The following ANK2 variants were observed in gnomAD, a reference collection of about 807,000 sequenced individuals.
ANK2 encodes ankyrin-2.
ANK2 carries 83 observed loss-of-function variants against 360.5 expected under a neutral mutation model. That is an observed-to-expected ratio of 0.23 (90% CI 0.19 to 0.28). The LOEUF (loss-of-function observed/expected upper bound fraction) is 0.28. Ranked by LOEUF, ANK2 falls within the 10% of genes least tolerant of loss-of-function variation. ANK2 has a pLI of 1.00. For synonymous variants in ANK2, 1,740 were observed against 1,759.5 expected, an observed-to-expected ratio of 0.99 and a Z score of 0.28; for missense variants, 4,201 against 4,795.7, an observed-to-expected ratio of 0.88 and a Z score of 3.66.
the ANK2 span, among the ~76,000 whole-genome samples, chr4:112,736,767 C>G: frequency 1.3e-5 from 2 of 152,136 alleles, 1 homozygote; most frequent in South Asian, 4.1e-4. Flanking sequence ...TCATTTTTCT[C>G]CTAAACACTG....
rs146744384 is a variant in ANK2, at chr4:113,306,084, C to T, written c.2548+3245C>T. 8.5e-5 allele frequency among the ~76,000 whole-genome samples: 13 copies of T among 152,178 alleles called. No homozygotes were observed. In the East Asian group the frequency reaches 1.2e-3, roughly 14 times the overall value. ...TAATGAATATGATGTTATTGTGTTT[C>T]GGAAAGCTCTATAACTGATGCCACA... On this transcript the variant is annotated intron_variant, in intron 23 of 45. Transcript: ENST00000357077.
chr4:113,144,345 T>C (rs3112979), intron 1 of ANK2, among the ~76,000 whole-genome samples: 120,041 of 151,998 alleles, frequency 0.79, 47,777 homozygotes, highest in African/African-American at 0.87. Context: ...ATGTCCCTCT[T>C]GGATTTGAGT....
chr4:112,798,278 T>C, the ANK2 span: 4 of 152,198 alleles, frequency 2.6e-5, no homozygotes, highest in Non-Finnish European at 5.9e-5. Flanking sequence ...ACAGAAATAG[T>C]TTTTACAATT....
intron 1 of ANK2, among the ~76,000 whole-genome samples, chr4:113,127,878 A>G (rs2095762023): frequency 1.3e-5 from 2 of 152,190 alleles, no homozygotes; most frequent in Admixed American, 1.3e-4. Context: ...ATACCAGAAG[A>G]GCAGCAGGGA....
intron 2 of ANK2, chr4:112,980,100 A>C (rs2042671108): frequency 6.6e-6 from 1 of 151,296 alleles, no homozygotes; most frequent in Non-Finnish European, 1.5e-5. Context: ...GCCCTCAGCC[A>C]CTCCCCTGGC....
chr4:113,023,359 C>T (rs879539563), intron 2 of ANK2, among the ~76,000 whole-genome samples: 3 of 152,232 alleles, frequency 2.0e-5, no homozygotes, highest in Admixed American at 6.5e-5. Flanking sequence ...GCTACCTCAG[C>T]CCCGTCTGTG....
the ANK2 span, among the ~76,000 whole-genome samples, chr4:112,783,320 A>G: frequency 1.3e-5 from 2 of 152,332 alleles, no homozygotes; most frequent in African/African-American, 4.8e-5. Flanking sequence ...AACATAATGG[A>G]ACACTACTTA....
At chr4:113,201,873 T>A (rs2098834938) in intron 4 of ANK2, among the ~76,000 whole-genome samples, 2 of 152,196 alleles carry the variant, frequency 1.3e-5, no homozygotes, top group African/African-American at 2.4e-5. Context: ...TTATAACAGA[T>A]CTTAAAAGAA....
chr4:113,231,385 T>A (rs1464253887), intron 4 of ANK2, among the ~76,000 whole-genome samples: 2 of 152,090 alleles, frequency 1.3e-5, no homozygotes, highest in Non-Finnish European at 2.9e-5. Context: ...ATTTGTAGTC[T>A]CTCCTAGCCT....
At chr4:112,710,767 A>G in the ANK2 span, among the ~76,000 whole-genome samples, 1 of 151,598 alleles carries the variant, frequency 6.6e-6, no homozygotes, top group Non-Finnish European at 1.5e-5. Context: ...TTCCAGCATC[A>G]TGGTTGCTGA....
chr4:113,265,101 T>A, intron 14 of ANK2, 106 bp downstream of exon 14: 1 of 1,052,278 alleles, frequency 9.5e-7, no homozygotes, highest in Non-Finnish European at 1.4e-6. Flanking sequence ...CCAGGGACTG[T>A]AAGTGAAAGG....
At chr4:113,262,283 T>C (rs867493304) in intron 13 of ANK2, among the ~76,000 whole-genome samples, 1 of 152,100 alleles carries the variant, frequency 6.6e-6, no homozygotes, top group African/African-American at 2.4e-5. Context: ...TGGAATACAG[T>C]GGGCAAGATT....
At chr4:113,073,398 A>G (rs2078560341) in intron 1 of ANK2, among the ~76,000 whole-genome samples, 1 of 152,202 alleles carries the variant, frequency 6.6e-6, no homozygotes, top group Admixed American at 6.5e-5. Flanking sequence ...TACTAAATAA[A>G]AAAAGAACAC....
intron 4 of ANK2, among the ~76,000 whole-genome samples, chr4:113,202,407 C>A (rs918529934): frequency 2.6e-5 from 4 of 152,058 alleles, no homozygotes; most frequent in African/African-American, 9.7e-5. Context: ...TTTTGAGAAC[C>A]AGAAAAAGGA....
chr4:113,066,251 G>C (rs778521954), intron 1 of ANK2, among the ~76,000 whole-genome samples: 9 of 152,052 alleles, frequency 5.9e-5, no homozygotes, highest in African/African-American at 1.9e-4. Context: ...TACAGTTTTT[G>C]CAAGCCGACC....
rs1352843421 is a variant in ANK2, at chr4:113,358,467, A to G, written c.9849A>G (p.Ser3283=). 2.5e-6 allele frequency: 4 copies of G among 1,614,138 alleles called. No homozygotes were observed. Among genetic ancestry groups the G allele is most frequent in the Non-Finnish European group, 3.4e-6 (4 of 1,179,974 alleles). ...SPDSSPEEQK[S]VIEIPTAPME... ...ATTCTTCCCCAGAAGAACAGAAATCAGTAATCGAGATTCCTACTGCACCCA... is the reference window on the plus strand; with the variant it reads ...ATTCTTCCCCAGAAGAACAGAAATCGGTAATCGAGATTCCTACTGCACCCA... The change falls in exon 38 of 46, where the codon TCA becomes TCG. Residue 3283 remains serine, a synonymous_variant. Coordinates refer to ENST00000357077, the MANE Select transcript of ANK2 (RefSeq NM_001148.6).
At chr4:113,325,909 A>C (rs1286719366) in intron 26 of ANK2, among the ~76,000 whole-genome samples, 2 of 152,192 alleles carry the variant, frequency 1.3e-5, no homozygotes, top group Non-Finnish European at 2.9e-5. Flanking sequence ...CAGAGCCATC[A>C]ATCCATATTA....
intron 1 of ANK2, among the ~76,000 whole-genome samples, chr4:112,876,689 G>A (rs1349187913): frequency 1.3e-5 from 2 of 152,134 alleles, no homozygotes. Context: ...GTTTGCCCAA[G>A]GCCTGTTACC....
chr4:113,237,055 G>T lies in ANK2; in HGVS notation c.552G>T (p.Glu184Asp), dbSNP rs1361041187. The T allele has an allele frequency of 4.3e-6, 7 of 1,614,062 alleles. No homozygotes were observed. Among genetic ancestry groups the T allele is most frequent in the Non-Finnish European group, 5.9e-6 (7 of 1,180,030 alleles). The part of the protein sequence containing the change: ...GHNQAVAILL[E>D]NDTKGKVRLP... ...ACCAGGCGGTGGCCATCCTCTTGGA[G>T]AATGACACCAAAGGGAAAGTGAGGC... The change falls in exon 6 of 46, where the codon GAG becomes GAT. Residue 184 changes from glutamate (E) to aspartate (D), a missense_variant. By Grantham distance (45) the Glu-to-Asp change is conservative. This residue lies in a region of ANK2 where 122 missense variants were observed against 239.3 expected (regional missense o/e 0.51). Coordinates refer to ENST00000357077, the MANE Select transcript of ANK2 (RefSeq NM_001148.6).
Sources: gnomAD v4.1 joint callset for allele counts (sites outside exome capture counted in the v4.1 genomes callset) on GRCh38, gnomAD v4.1.1 for gene constraint, gnomAD v4.1.1 regional missense constraint, MANE v1.5 for transcripts, NCBI Gene and HGNC (gene_info 2026-07-23, HGNC 2026-07-21) for gene names.